ADAMTS12: variants seen among roughly 807,000 people sequenced by gnomAD.
The protein encoded by ADAMTS12 is ADAM metallopeptidase with thrombospondin type 1 motif 12.
Under a neutral mutation model 167.8 loss-of-function variants are expected in ADAMTS12, and 118 were observed. The observed-to-expected ratio is 0.70, with a 90% CI of 0.61 to 0.82. The LOEUF (loss-of-function observed/expected upper bound fraction) is 0.82, where lower values mean the gene tolerates loss of function less well. Ranked by LOEUF, ADAMTS12 falls within the 40% of genes least tolerant of loss-of-function variation. ADAMTS12 has a pLI of 0.00. For synonymous variants in ADAMTS12, 704 were observed against 716.9 expected (o/e 0.98, Z 0.29); for missense variants, 1,916 against 1,998.8 (o/e 0.96, Z 0.79).
intron 7 of ADAMTS12, among the ~76,000 whole-genome samples, chr5:33,655,720 G>A (rs570014045): frequency 9.2e-5 from 14 of 151,406 alleles, no homozygotes; most frequent in Admixed American, 3.3e-4. Context: ...TACATGTGCC[G>A]TGGTGGTTTG....
intron 3 of ADAMTS12, among the ~76,000 whole-genome samples, chr5:33,750,720 G>T (rs965655256): frequency 3.3e-5 from 5 of 152,182 alleles, no homozygotes; most frequent in Non-Finnish European, 7.3e-5. Context: ...GAATGTGGGA[G>T]TTGCAAGGAA....
chr5:33,880,877 G>T, intron 2 of ADAMTS12: 1 of 485,372 alleles, frequency 2.1e-6, no homozygotes, highest in Non-Finnish European at 3.6e-6. Context: ...AACTGATGTT[G>T]CTGGTTGGAG....
At chr5:33,730,391 G>T (rs950189721) in intron 3 of ADAMTS12, among the ~76,000 whole-genome samples, 1 of 151,616 alleles carries the variant, frequency 6.6e-6, no homozygotes, top group Non-Finnish European at 1.5e-5. Context: ...TGGGTGGGGG[G>T]AAGACTGGAG....
chr5:33,709,595 T>C (rs13190046), intron 3 of ADAMTS12, among the ~76,000 whole-genome samples: 80,437 of 151,570 alleles, frequency 0.53, 24,225 homozygotes, highest in Non-Finnish European at 0.69. Flanking sequence ...CTCAGCAAAC[T>C]AAAGCAGGAA....
At chr5:33,540,582 C>T (rs1240441231) in intron 22 of ADAMTS12, among the ~76,000 whole-genome samples, 1 of 152,206 alleles carries the variant, frequency 6.6e-6, no homozygotes, top group Non-Finnish European at 1.5e-5. Flanking sequence ...ATCATATAGG[C>T]AGCTGACCCT....
At chr5:33,549,117 C>T in intron 21 of ADAMTS12, 90 bp downstream of exon 21, 1 of 1,474,382 alleles carries the variant, frequency 6.8e-7, no homozygotes, top group South Asian at 1.3e-5. Flanking sequence ...CAGGTGTGGT[C>T]TTCCCTGATT....
chr5:33,855,275 T>G (rs1171335010), intron 2 of ADAMTS12, among the ~76,000 whole-genome samples: 1 of 152,234 alleles, frequency 6.6e-6, no homozygotes, highest in Non-Finnish European at 1.5e-5. Context: ...TGGCACACAT[T>G]TTAAATGTCA....
intron 17 of ADAMTS12, 97 bp from the exon 18 acceptor site, chr5:33,588,906 GGC>G: frequency 6.9e-7 from 1 of 1,450,654 alleles, no homozygotes; most frequent in Non-Finnish European, 9.4e-7. Context: ...CAGATCACAG[GGC>G]TGGAAGGGCC....
intron 20 of ADAMTS12, among the ~76,000 whole-genome samples, chr5:33,554,202 T>C (rs927856012): frequency 3.9e-5 from 6 of 152,134 alleles, no homozygotes; most frequent in Admixed American, 3.3e-4. Context: ...GCTGGCAAAA[T>C]AGTGTGGGGG....
intron 17 of ADAMTS12, among the ~76,000 whole-genome samples, chr5:33,593,289 C>T (rs1747738749): frequency 6.6e-6 from 1 of 152,126 alleles, no homozygotes; most frequent in African/African-American, 2.4e-5. Context: ...GTAGGGGATT[C>T]TGGTTCTAGT....
chr5:33,569,632 C>A (rs1355854582), intron 19 of ADAMTS12, among the ~76,000 whole-genome samples: 2 of 152,074 alleles, frequency 1.3e-5, no homozygotes, highest in Non-Finnish European at 2.9e-5. Flanking sequence ...TAGATAAAAC[C>A]ACAAAGATGG....
chr5:33,733,253 A>C (rs1239429266), intron 3 of ADAMTS12, among the ~76,000 whole-genome samples: 1 of 152,204 alleles, frequency 6.6e-6, no homozygotes, highest in Non-Finnish European at 1.5e-5. Flanking sequence ...TTTTTTAAAG[A>C]AATTTAAATC....
chr5:33,800,409 C>T (rs1258432640), intron 2 of ADAMTS12, among the ~76,000 whole-genome samples: 6 of 152,134 alleles, frequency 3.9e-5, no homozygotes, highest in South Asian at 2.1e-4. Context: ...GGAGTCACTG[C>T]GGATATGTGG....
At chr5:33,865,589 T>C (rs1306080102) in intron 2 of ADAMTS12, among the ~76,000 whole-genome samples, 1 of 152,116 alleles carries the variant, frequency 6.6e-6, no homozygotes, top group Non-Finnish European at 1.5e-5. Context: ...ACCACTTCCA[T>C]TCAACATACT....
At chr5:33,726,953 A>T (rs1744002986) in intron 3 of ADAMTS12, among the ~76,000 whole-genome samples, 1 of 152,042 alleles carries the variant, frequency 6.6e-6, no homozygotes, top group Non-Finnish European at 1.5e-5. Context: ...CTGGGCTTGG[A>T]TCTAAGCCAG....
At chr5:33,849,636 A>G (rs1436583195) in intron 2 of ADAMTS12, among the ~76,000 whole-genome samples, 1 of 132,244 alleles carries the variant, frequency 7.6e-6, no homozygotes, top group Non-Finnish European at 1.6e-5. Context: ...AGCAATATAT[A>G]TGTATTGCAT....
At chr5:33,682,229 T>C (rs6881360) in intron 5 of ADAMTS12, among the ~76,000 whole-genome samples, 38,017 of 152,162 alleles carry the variant, frequency 0.25, 5,460 homozygotes, top group African/African-American at 0.39. Context: ...TGGGCTTATG[T>C]AACCAATGCG....
intron 3 of ADAMTS12, among the ~76,000 whole-genome samples, chr5:33,724,001 C>T (rs1178980497): frequency 2.0e-5 from 3 of 152,172 alleles, no homozygotes; most frequent in Admixed American, 1.3e-4. Flanking sequence ...TGTGGCTCTG[C>T]CTAGCATCGT....
At chr5:33,559,196 T>A (rs1745622325) in intron 20 of ADAMTS12, among the ~76,000 whole-genome samples, 1 of 152,208 alleles carries the variant, frequency 6.6e-6, no homozygotes, top group Non-Finnish European at 1.5e-5. Flanking sequence ...CCTAAACCTC[T>A]TGGGTAGCTC....
Sources: gnomAD v4.1 joint callset for allele counts (sites outside exome capture counted in the v4.1 genomes callset) on GRCh38, gnomAD v4.1.1 for gene constraint, MANE v1.5 for transcripts, NCBI Gene and HGNC (gene_info 2026-07-23, HGNC 2026-07-21) for gene names.